The following ALMS1 variants were observed in gnomAD, a reference collection of about 807,000 sequenced individuals.
ALMS1 encodes the protein ALMS1 centrosome and basal body associated protein, also known as centrosome-associated protein ALMS1.
A neutral mutation model predicts 352.2 loss-of-function variants in ALMS1; 271 were observed. That is an observed-to-expected ratio of 0.77 (90% CI 0.70 to 0.85). ALMS1 has a LOEUF of 0.85. Ranked by LOEUF, ALMS1 falls within the 40% of genes least tolerant of loss-of-function variation. The probability of loss-of-function intolerance (pLI) is 0.00; values close to 1 mark genes in which losing one functional copy is unlikely to be tolerated. For missense variants in ALMS1, 5,445 were observed against 4,870.7 expected, an observed-to-expected ratio of 1.12 and a Z score of -3.51; for synonymous variants, 1,865 against 1,761.2, an observed-to-expected ratio of 1.06 and a Z score of -1.48.
chr2:73,529,261 C>T (rs892145463), intron 11 of ALMS1, among the ~76,000 whole-genome samples: 10 of 152,094 alleles, frequency 6.6e-5, no homozygotes, highest in African/African-American at 2.4e-4. Flanking sequence ...CCAAGCTGGT[C>T]TTGAACTCCC....
At chr2:73,525,410 C>T (rs1230200580) in intron 11 of ALMS1, among the ~76,000 whole-genome samples, 1 of 152,178 alleles carries the variant, frequency 6.6e-6, no homozygotes, top group African/African-American at 2.4e-5. Context: ...TACAAGAGTT[C>T]CCTTTTCTCC....
In ALMS1 at chr2:73,519,947, C is replaced by T. The variant is rs201252375; in HGVS notation, c.9712C>T (p.Arg3238Cys). 4.1e-4 allele frequency: 669 copies of T among 1,613,926 alleles called. No individual in the cohort carries two copies. The highest frequency in any genetic ancestry group is 3.8e-4 in the Non-Finnish European group (445 of 1,179,948). The change falls in exon 11 of 23, where the codon CGC (arginine) becomes TGC (cysteine). Residue 3238 changes from arginine (R) to cysteine (C), a missense_variant. Transcript: ENST00000613296. ...EIIEPGNQKL[R>C]KAPVKFASSS... ...TATAGAGCCTGGTAACCAGAAGCTA[C>T]GCAAAGCTCCTGTCAAGTTTGCCTC...
At chr2:73,603,466 A>AT in intron 21 of ALMS1, 162 bp downstream of exon 21, 2 of 671,566 alleles carry the variant, frequency 3.0e-6, no homozygotes, top group Non-Finnish European at 5.2e-6. Context: ...AAAAAAAAAA[A>AT]GCACATCATG....
intron 12 of ALMS1, among the ~76,000 whole-genome samples, chr2:73,542,363 A>AT (rs1199024917): frequency 2.0e-5 from 3 of 152,198 alleles, no homozygotes; most frequent in Non-Finnish European, 4.4e-5. Flanking sequence ...TTGATGGGAC[A>AT]TATCTCAAAA....
At chr2:73,548,137 G>T (rs1558689911) in intron 12 of ALMS1, among the ~76,000 whole-genome samples, 1 of 152,102 alleles carries the variant, frequency 6.6e-6, no homozygotes. Context: ...GAGATGTTGG[G>T]TCTACAATTG....
In ALMS1 at chr2:73,490,755, G is replaced by A; in HGVS notation, c.8796G>A (p.Gln2932=). 1 of 1,614,028 alleles carries A rather than the reference G, an allele frequency of 6.2e-7. No homozygotes were observed. The highest frequency in any genetic ancestry group is 8.5e-7 in the Non-Finnish European group (1 of 1,180,008). ...TTGAACAACGAGAACTCTTTGAACA[G>A]TGCAAAGCCCCATATGTAGATCATC... ...IFLEQRELFE[Q]CKAPYVDHQM... Residue 2932 remains glutamine (Q), a synonymous_variant, in exon 10 of 23, where the codon CAG becomes CAA. Transcript: ENST00000613296.
chr2:73,541,549 A>G lies in ALMS1; in HGVS notation c.9907+6600A>G, dbSNP rs527517412. 2.7e-4 allele frequency among the ~76,000 whole-genome samples: 41 copies of G among 152,354 alleles called. No homozygotes were observed. The South Asian group carries it at 8.3e-3, about 31-fold the overall frequency. ...GAACTGAAGGAAATAGAGTCACAAA[A>G]TACCCTTCAAAAAATCATTGAATCC... On this transcript the variant is annotated intron_variant, in intron 12 of 22. Transcript: ENST00000613296.
chr2:73,605,316 G>A (rs1210782909), intron 21 of ALMS1, among the ~76,000 whole-genome samples: 1 of 152,166 alleles, frequency 6.6e-6, no homozygotes, highest in Non-Finnish European at 1.5e-5. Flanking sequence ...ATAAGCGGTG[G>A]CATTAACAAA....
chr2:73,413,651 C>T (rs1429849511), intron 2 of ALMS1, among the ~76,000 whole-genome samples: 2 of 152,144 alleles, frequency 1.3e-5, no homozygotes, highest in Non-Finnish European at 2.9e-5. Context: ...CAACTGAGAA[C>T]CGCTTTTTCA....
At position 73,490,690 on chromosome 2, in the gene ALMS1, C is replaced by A; in HGVS notation, c.8731C>A (p.Gln2911Lys). The A allele has an allele frequency of 6.2e-7, 1 of 1,614,090 alleles. No individual in the cohort carries two copies. The highest frequency in any genetic ancestry group is 8.5e-7 in the Non-Finnish European group (1 of 1,180,012). The change falls in exon 10 of 23, where the codon CAG becomes AAG. Residue 2911 changes from glutamine (Q) to lysine (K), a missense_variant. By Grantham distance (53) the Gln-to-Lys change is moderately conservative. Coordinates refer to ENST00000613296, the MANE Select transcript of ALMS1 (RefSeq NM_001378454.1). The part of the protein sequence containing the change: ...RKHHSPSPQH[Q>K]DYVAPDLPSC... ...ACACCATTCTCCCTCTCCTCAACAT[C>A]AGGATTATGTAGCTCCAGACCTTCC...
Position 73,448,937 on chromosome 2 carries a change from C to T in ALMS1, c.2410C>T (p.Pro804Ser). 6.2e-7 allele frequency: 1 copy of T among 1,614,070 alleles called. No individual in the cohort carries two copies. The highest frequency in any genetic ancestry group is 8.5e-7 in the Non-Finnish European group (1 of 1,179,958). The stretch of plus-strand genomic sequence containing the variant: ...ACCAGCTGACCAGAAGACTGGCCTA[C>T]CAACAGTACCCTCTAGTGCATACTC... ...AGPADQKTGL[P>S]TVPSSAYSHR... is the part of the protein sequence containing the mutation. The change falls in exon 8 of 23, where the codon CCA becomes TCA. Residue 804 changes from proline to serine, a missense_variant. Transcript: ENST00000613296.
In ALMS1 at chr2:73,451,581, C is replaced by A; in HGVS notation, c.5054C>A (p.Pro1685His). The A allele has an allele frequency of 6.2e-7, 1 of 1,614,022 alleles. No homozygotes were observed. The highest frequency in any genetic ancestry group is 8.5e-7 in the Non-Finnish European group (1 of 1,179,984). Residue 1685 changes from proline (P) to histidine (H), a missense_variant, in exon 8 of 23, where the codon CCT (proline) becomes CAT (histidine). Transcript: ENST00000613296. Reference sequence around the variant, plus strand: ...CAGACCCTATCAGACAGTCATTTACCTGAAGAAGCTCTGAAAGTTCCACCT... The same window carrying A: ...CAGACCCTATCAGACAGTCATTTACATGAAGAAGCTCTGAAAGTTCCACCT... ...YQQTLSDSHL[P>H]EEALKVPPVP... is the part of the protein sequence containing the mutation.
chr2:73,458,017 G>C (rs1390743868), intron 9 of ALMS1: 1 of 99,762 alleles, frequency 1.0e-5, no homozygotes, highest in African/African-American at 4.1e-5. Context: ...CTAGGCGACA[G>C]AGGGAGACTT....
At chr2:73,502,082 T>G (rs1673230789) in intron 10 of ALMS1, among the ~76,000 whole-genome samples, 1 of 152,134 alleles carries the variant, frequency 6.6e-6, no homozygotes, top group Non-Finnish European at 1.5e-5. Flanking sequence ...AGAAATACTG[T>G]TGTCATGCCA....
rs760452285 is a variant in ALMS1, at chr2:73,490,716, T to C, written c.8757T>C (p.Pro2919=). ...AGGATTATGTAGCTCCAGACCTTCCTTCTTGCATTTTTCTTGAACAACGAG... is the reference window on the plus strand; with the variant it reads ...AGGATTATGTAGCTCCAGACCTTCCCTCTTGCATTTTTCTTGAACAACGAG... ...QHQDYVAPDL[P]SCIFLEQREL... is the part of the protein sequence containing the mutation. The change falls in exon 10 of 23, where the codon CCT becomes CCC. Residue 2919 remains proline (P), a synonymous_variant. Transcript: ENST00000613296. 6.2e-7 allele frequency: 1 copy of C among 1,614,176 alleles called. No individual in the cohort carries two copies. The highest frequency in any genetic ancestry group is 8.5e-7 in the Non-Finnish European group (1 of 1,180,028).
intron 11 of ALMS1, among the ~76,000 whole-genome samples, chr2:73,528,288 G>A (rs533773912): frequency 2.0e-5 from 3 of 152,090 alleles, no homozygotes; most frequent in Admixed American, 6.5e-5. Flanking sequence ...TGATTTTTCT[G>A]TCTGGATGAT....
rs761223068 is a variant in ALMS1, at chr2:73,608,506, AAG to A, written c.12400_12401del (p.Glu4134ArgfsTer9). The A allele has an allele frequency of 6.2e-7, 1 of 1,614,038 alleles. No homozygotes were observed. ...IYEQLPEVQK[K>X]REEEKRKSEY... ...TGAGCAGCTTCCAGAAGTACAGAAA[AAG>A]AGAGAAGAAGAGAAGAGAAAATCAG... On this transcript the variant is annotated frameshift_variant, in exon 22 of 23. Coordinates refer to ENST00000613296, the MANE Select transcript of ALMS1 (RefSeq NM_001378454.1). LOFTEE classifies it high-confidence loss of function.
Position 73,572,675 on chromosome 2 carries a change from G to A in ALMS1, c.10798G>A (p.Glu3600Lys). ...QTTQHTVSLN[E>K]LWNKYRERQR... ...AACTCAGCACACTGTGAGTTTGAAT[G>A]AACTGTGGAACAAGTATCGGGAGCG... Residue 3600 changes from glutamate (E) to lysine (K), a missense_variant, in exon 16 of 23, where the codon GAA (glutamate) becomes AAA (lysine). Physicochemically the swap from Glu to Lys is moderately conservative, Grantham distance 56. Coordinates refer to ENST00000613296, the MANE Select transcript of ALMS1 (RefSeq NM_001378454.1). The A allele has an allele frequency of 6.2e-7, 1 of 1,614,106 alleles. No homozygotes were observed. Among genetic ancestry groups the A allele is most frequent in the Non-Finnish European group, 8.5e-7 (1 of 1,179,996 alleles).
intron 7 of ALMS1, among the ~76,000 whole-genome samples, chr2:73,437,763 C>A (rs999520363): frequency 2.6e-5 from 4 of 152,038 alleles, no homozygotes; most frequent in Admixed American, 2.0e-4. Context: ...ACTGCGAGGT[C>A]CTCAAAGGGC....
Sources: allele counts gnomAD v4.1 joint callset (sites outside exome capture counted in the v4.1 genomes callset), GRCh38; gene constraint gnomAD v4.1.1; transcripts MANE v1.5; gene names NCBI Gene and HGNC (gene_info 2026-07-23, HGNC 2026-07-21).